Variants in OXSR1 observed in about 807,000 individuals in gnomAD.
OXSR1 encodes the protein serine/threonine-protein kinase OSR1.
OXSR1 carries 24 observed loss-of-function variants against 79.8 expected under a neutral mutation model. That is an observed-to-expected ratio of 0.30 (90% CI 0.22 to 0.42). The LOEUF (loss-of-function observed/expected upper bound fraction) is 0.42, where lower values mean the gene tolerates loss of function less well. Ranked by LOEUF, OXSR1 falls within the 10% of genes least tolerant of loss-of-function variation. The probability of loss-of-function intolerance (pLI) is 1.00; values close to 1 mark genes in which losing one functional copy is unlikely to be tolerated. For missense variants in OXSR1, 430 were observed against 618.4 expected (o/e 0.70, Z 3.23); for synonymous variants, 226 against 209.2 (o/e 1.08, Z -0.69).
At chr3:38,250,226 A>C (rs34886276) in intron 15 of OXSR1, 33,617 of 527,766 alleles carry the variant, frequency 0.064, 1,415 homozygotes, top group African/African-American at 0.15. Flanking sequence ...ACAAACAGTA[A>C]TAAATATATG....
intron 4 of OXSR1, among the ~76,000 whole-genome samples, chr3:38,213,537 A>G (rs1702427469): frequency 6.6e-6 from 1 of 152,198 alleles, no homozygotes; most frequent in South Asian, 2.1e-4. Context: ...TAAAAAGTAA[A>G]GAAATCTGAA....
At chr3:38,169,037 G>A (rs1701523543) in intron 1 of OXSR1, among the ~76,000 whole-genome samples, 1 of 152,204 alleles carries the variant, frequency 6.6e-6, no homozygotes, top group African/African-American at 2.4e-5. Context: ...CTGCCAAACT[G>A]ATTTTCAAAG....
At chr3:38,189,501 A>G (rs1407686403) in intron 2 of OXSR1, among the ~76,000 whole-genome samples, 2 of 152,182 alleles carry the variant, frequency 1.3e-5, no homozygotes, top group Non-Finnish European at 1.5e-5. Context: ...GCCATAAAGG[A>G]AGTTGCATTC....
At position 38,239,753 on chromosome 3, in the gene OXSR1, C is replaced by G. The variant is rs551314297; in HGVS notation, c.1074+2792C>G. Among the ~76,000 whole-genome samples the G allele has an allele frequency of 9.9e-5, 15 of 152,266 alleles. No homozygotes were observed. The South Asian group carries it at 3.1e-3, about 32-fold the overall frequency. ...CACTCTCTTTGTAGCTTTCTCCTTC[C>G]TTGTACTGTTTTATCAGCTTAATCT... is the stretch of plus-strand genomic sequence containing the variant. On this transcript the variant is annotated intron_variant, in intron 11 of 17. Coordinates refer to ENST00000311806, the MANE Select transcript of OXSR1 (RefSeq NM_005109.3).
chr3:38,248,299 G>A (rs1427879729), intron 14 of OXSR1, among the ~76,000 whole-genome samples: 1 of 151,974 alleles, frequency 6.6e-6, no homozygotes, highest in Non-Finnish European at 1.5e-5. Context: ...AGCAGGAAGT[G>A]CCATAGGTAG....
intron 1 of OXSR1, among the ~76,000 whole-genome samples, chr3:38,170,715 T>C (rs1355831542): frequency 6.6e-6 from 1 of 152,342 alleles, no homozygotes; most frequent in East Asian, 1.9e-4. Context: ...TGTTCCTGTA[T>C]CTACATTGAT....
chr3:38,236,751 G>A, intron 10 of OXSR1, 88 bp from the exon 11 acceptor site: 1 of 1,179,296 alleles, frequency 8.5e-7, no homozygotes, highest in Non-Finnish European at 1.2e-6. Context: ...TTAATGGATT[G>A]AAGTGATAGA....
rs147258721 is a variant in OXSR1, at chr3:38,193,496, A to G, written c.292+2657A>G. On this transcript the variant is annotated intron_variant, in intron 3 of 17. Coordinates refer to ENST00000311806, the MANE Select transcript of OXSR1 (RefSeq NM_005109.3). ...GTAATTTACGAGAATATGTAATACAACATTTTTAATGTTTTGCAAAAAAGT... is the reference window on the plus strand; with the variant it reads ...GTAATTTACGAGAATATGTAATACAGCATTTTTAATGTTTTGCAAAAAAGT... The G allele has an allele frequency of 4.5e-4, 432 of 956,776 alleles. No homozygotes were observed. In the East Asian group the frequency reaches 4.7e-3, roughly 10 times the overall value. 59.3% of individuals were successfully genotyped at this position (956,776 alleles called of 1,614,324 possible). A position where few individuals can be genotyped will look rare whatever the true frequency, so the allele number is the denominator to read the frequency against.
rs778926610 is a variant in OXSR1, at chr3:38,221,616, A to G, written c.529A>G (p.Ile177Val). Reference protein sequence around the residue: ...VSAFLATGGDITRNKVRKTFV... With the variant: ...VSAFLATGGDVTRNKVRKTFV... ...TGCTTTTTTAGCAACTGGTGGTGATATTACCCGAAATAAAGTGAGAAAGAC... is the reference window on the plus strand; with the variant it reads ...TGCTTTTTTAGCAACTGGTGGTGATGTTACCCGAAATAAAGTGAGAAAGAC... Residue 177 changes from isoleucine to valine, a missense_variant, in exon 6 of 18, where the codon ATT becomes GTT. Ile to Val is a conservative substitution (Grantham distance 29). Around this residue, in one of 3 missense-constraint regions of OXSR1, gnomAD observed 145 missense variants for 228.3 expected, o/e 0.64. Coordinates refer to ENST00000311806, the MANE Select transcript of OXSR1 (RefSeq NM_005109.3). The G allele has an allele frequency of 3.7e-6, 6 of 1,613,176 alleles. No homozygotes were observed. The East Asian group carries it at 6.7e-5, about 18-fold the overall frequency.
At chr3:38,170,555 TG>T (rs1236020752) in intron 1 of OXSR1, among the ~76,000 whole-genome samples, 1 of 152,136 alleles carries the variant, frequency 6.6e-6, no homozygotes, top group Non-Finnish European at 1.5e-5. Flanking sequence ...AGTTAATTTT[TG>T]TGTATGGTGT....
rs956660867 is a variant in OXSR1 at position 38,190,364 on chromosome 3, C to T, written c.184-367C>T. Among the ~76,000 whole-genome samples the T allele has an allele frequency of 3.9e-5, 6 of 152,066 alleles. No homozygotes were observed. In the South Asian group the frequency reaches 1.0e-3, roughly 26 times the overall value. ...ATCCCTACACAAACTATAAAAAAAC[C>T]CTGTTTATTAGTTAATATCTTTTAT... On this transcript the variant is annotated intron_variant, in intron 2 of 17. Coordinates refer to ENST00000311806, the MANE Select transcript of OXSR1 (RefSeq NM_005109.3).
chr3:38,218,891 G>C (rs998774508), intron 5 of OXSR1, among the ~76,000 whole-genome samples: 54 of 152,060 alleles, frequency 3.6e-4, no homozygotes, highest in Non-Finnish European at 3.2e-4. Flanking sequence ...TGCACAAAGG[G>C]GGGGACCTTG....
intron 2 of OXSR1, among the ~76,000 whole-genome samples, chr3:38,186,602 T>C (rs1174585877): frequency 6.6e-6 from 1 of 152,234 alleles, no homozygotes; most frequent in Admixed American, 6.5e-5. Context: ...TTAGCATGTT[T>C]CCAAAGTTCA....
At chr3:38,232,981 G>C (rs1702841801) in intron 10 of OXSR1, among the ~76,000 whole-genome samples, 2 of 152,140 alleles carry the variant, frequency 1.3e-5, no homozygotes, top group African/African-American at 4.8e-5. Context: ...GGAATTAATA[G>C]TGCCAGGTAC....
chr3:38,229,574 C>T, intron 8 of OXSR1, 113 bp from the exon 9 acceptor site: 2 of 758,784 alleles, frequency 2.6e-6, no homozygotes, highest in Non-Finnish European at 4.5e-6. Context: ...GTAGAGTATA[C>T]TGAGTTTTTA....
intron 10 of OXSR1, among the ~76,000 whole-genome samples, chr3:38,233,871 C>T (rs1377850997): frequency 6.6e-6 from 1 of 151,874 alleles, no homozygotes; most frequent in Non-Finnish European, 1.5e-5. Flanking sequence ...GTGTTCGTGC[C>T]ACTGCACTTC....
intron 3 of OXSR1, 123 bp from the exon 4 acceptor site, chr3:38,198,599 G>GT (rs1303310651): frequency 1.2e-5 from 8 of 641,972 alleles, no homozygotes; most frequent in East Asian, 8.5e-5. Context: ...CATATTTGCT[G>GT]TTTTTTTCAT....
At chr3:38,193,458 ATTTTC>A (rs1257774590) in intron 3 of OXSR1, 7 of 1,188,824 alleles carry the variant, frequency 5.9e-6, no homozygotes. Context: ...CTATAGCATA[ATTTTC>A]TTTATTTGTA....
intron 6 of OXSR1, among the ~76,000 whole-genome samples, chr3:38,223,520 G>A (rs532298133): frequency 4.7e-5 from 7 of 149,464 alleles, no homozygotes; most frequent in Admixed American, 2.7e-4. Flanking sequence ...TCAGTTCACC[G>A]CAACCTCTAC....
Sources: allele counts gnomAD v4.1 joint callset (sites outside exome capture counted in the v4.1 genomes callset), GRCh38; gene constraint gnomAD v4.1.1; regional missense constraint gnomAD v4.1.1; transcripts MANE v1.5; gene names NCBI Gene and HGNC (gene_info 2026-07-23, HGNC 2026-07-21).